The following DLST variants were observed in gnomAD, a reference collection of about 807,000 sequenced individuals.
DLST encodes the protein dihydrolipoamide S-succinyltransferase, also known as dihydrolipoyllysine-residue succinyltransferase component of 2-oxoglutarate dehydrogenase complex, mitochondrial.
Under a neutral mutation model 53.1 loss-of-function variants are expected in DLST, and 17 were observed. The ratio of observed to expected loss-of-function variants is 0.32; its 90% CI spans 0.22 to 0.48. The LOEUF (loss-of-function observed/expected upper bound fraction) is 0.48, where lower values mean the gene tolerates loss of function less well. Among genes scored for constraint, DLST ranks in the 20% least tolerant of loss-of-function variants. The pLI is 0.99. For synonymous variants in DLST, 206 were observed against 204.8 expected (o/e 1.01, Z -0.05); for missense variants, 512 against 583.9 (o/e 0.88, Z 1.27).
intron 8 of DLST, 99 bp downstream of exon 8, chr14:74,893,085 A>G: frequency 7.1e-7 from 1 of 1,407,482 alleles, no homozygotes; most frequent in Non-Finnish European, 9.5e-7. Context: ...TGAACAGGCC[A>G]GGTTGGCTGC....
chr14:74,890,428 T>A (rs753906696), intron 6 of DLST, among the ~76,000 whole-genome samples: 1 of 152,210 alleles, frequency 6.6e-6, no homozygotes, highest in Non-Finnish European at 1.5e-5. Flanking sequence ...TGCATTTAAC[T>A]TTAAATTGTT....
rs1156571454 is a variant in DLST at position 74,902,983 on chromosome 14, AATC to A, written c.*659_*661del. On this transcript the variant is annotated 3_prime_UTR_variant, in exon 15 of 15. Transcript: ENST00000334220. ...GAGGTCCCCTGAGGTCATGCATTGTAATCATCATAGAAGGAGAGCCCAGGCCTG... is the reference window on the plus strand; with the variant it reads ...GAGGTCCCCTGAGGTCATGCATTGTAATCATAGAAGGAGAGCCCAGGCCTG... The A allele has an allele frequency of 6.6e-6, 1 of 152,604 alleles. No homozygotes were observed. Among genetic ancestry groups the A allele is most frequent in the Non-Finnish European group, 1.5e-5 (1 of 68,068 alleles). 9.5% of individuals were successfully genotyped at this position (152,604 alleles called of 1,614,324 possible).
At chr14:74,886,353 A>G (rs571020966) in intron 3 of DLST, among the ~76,000 whole-genome samples, 10 of 152,132 alleles carry the variant, frequency 6.6e-5, no homozygotes, top group Non-Finnish European at 1.3e-4. Flanking sequence ...TTGAGACAGG[A>G]TCTTGCTCTG....
At chr14:74,889,442 C>T (rs1883825398) in intron 5 of DLST, 93 bp downstream of exon 5, 1 of 1,037,700 alleles carries the variant, frequency 9.6e-7, no homozygotes. Context: ...GATCTCGGCT[C>T]ACTGCAGCCT....
At chr14:74,892,552 G>C (rs1176109418) in intron 7 of DLST, among the ~76,000 whole-genome samples, 1 of 151,208 alleles carries the variant, frequency 6.6e-6, no homozygotes, top group Non-Finnish European at 1.5e-5. Flanking sequence ...TCTTGGGCTT[G>C]ATAGGTGCTT....
At chr14:74,891,498 A>T in intron 7 of DLST, 3 of 1,004,240 alleles carry the variant, frequency 3.0e-6, no homozygotes, top group Non-Finnish European at 3.6e-6. Flanking sequence ...AAAACTGAAA[A>T]TCCAAAATCT....
intron 1 of DLST, 135 bp downstream of exon 1, chr14:74,882,151 C>A: frequency 2.6e-6 from 2 of 776,708 alleles, no homozygotes; most frequent in Non-Finnish European, 3.5e-6. Flanking sequence ...GCCGCGCGGG[C>A]TGGGCGGCCC....
chr14:74,901,847 T>A (rs77009049), intron 14 of DLST, among the ~76,000 whole-genome samples: 2 of 146,266 alleles, frequency 1.4e-5, no homozygotes, highest in African/African-American at 4.9e-5. Context: ...TGGCTTAATT[T>A]TTTTTTTTTT....
intron 5 of DLST, chr14:74,889,673 C>T (rs767550832): frequency 1.2e-5 from 7 of 565,152 alleles, no homozygotes; most frequent in Non-Finnish European, 2.2e-5. Context: ...GCGTGAGCCA[C>T]TGCGCCTGGC....
At chr14:74,898,552 C>T in intron 11 of DLST, 53 bp downstream of exon 11, 1 of 1,584,318 alleles carries the variant, frequency 6.3e-7, no homozygotes, top group Non-Finnish European at 8.6e-7. Context: ...GGTGTATGAG[C>T]ACAGACCTGC....
At chr14:74,894,838 C>T (rs1373120561) in intron 10 of DLST, among the ~76,000 whole-genome samples, 3 of 152,086 alleles carry the variant, frequency 2.0e-5, no homozygotes, top group South Asian at 2.1e-4. Flanking sequence ...TGAGCCACCG[C>T]GCCTGGCCTG....
intron 10 of DLST, among the ~76,000 whole-genome samples, chr14:74,896,646 T>A (rs965042249): frequency 6.6e-6 from 1 of 152,232 alleles, no homozygotes; most frequent in Non-Finnish European, 1.5e-5. Context: ...AGCCAAAGAT[T>A]TCTCTCTTGT....
At chr14:74,886,936 A>G (rs997708703) in intron 3 of DLST, among the ~76,000 whole-genome samples, 1 of 151,734 alleles carries the variant, frequency 6.6e-6, no homozygotes, top group African/African-American at 2.4e-5. Context: ...ACGGGGTTTC[A>G]TCTTGTTGGC....
intron 13 of DLST, 93 bp downstream of exon 13, chr14:74,900,465 G>T: frequency 8.9e-7 from 1 of 1,121,664 alleles, no homozygotes; most frequent in South Asian, 1.3e-5. Flanking sequence ...CTCATGGAAA[G>T]TCAAGTGCAT....
chr14:74,899,250 C>T (rs1308529559), intron 11 of DLST, among the ~76,000 whole-genome samples: 1 of 152,132 alleles, frequency 6.6e-6, no homozygotes, highest in East Asian at 1.9e-4. Flanking sequence ...CAGTGGCCCC[C>T]TTCTGCTTGC....
chr14:74,884,439 G>A (rs1883635371), intron 2 of DLST, among the ~76,000 whole-genome samples: 1 of 152,130 alleles, frequency 6.6e-6, no homozygotes, highest in South Asian at 2.1e-4. Flanking sequence ...TTTGCATTTG[G>A]GCTCAGGGAT....
intron 7 of DLST, chr14:74,891,626 G>T (rs926491083): frequency 1.0e-6 from 1 of 985,774 alleles, no homozygotes; most frequent in South Asian, 4.7e-5. Flanking sequence ...CTCTAGGAAG[G>T]GTTGGTATTT....
chr14:74,890,330 C>T (rs1883862135), intron 6 of DLST, among the ~76,000 whole-genome samples: 1 of 152,024 alleles, frequency 6.6e-6, no homozygotes, highest in Non-Finnish European at 1.5e-5. Context: ...TGTTGCCAGG[C>T]TGGTCTCAAA....
chr14:74,881,930 C>T lies in DLST; in HGVS notation c.-24C>T, dbSNP rs770437870. On this transcript the variant is annotated 5_prime_UTR_variant, in exon 1 of 15. Coordinates refer to ENST00000334220, the MANE Select transcript of DLST (RefSeq NM_001933.5). ...TGTCCGGCCCTATATCCGGTGTCCGCCCGCCCTCGGCTCCTCCGCCGTGAT... is the reference window on the plus strand; with the variant it reads ...TGTCCGGCCCTATATCCGGTGTCCGTCCGCCCTCGGCTCCTCCGCCGTGAT... The T allele has an allele frequency of 5.9e-6, 9 of 1,527,276 alleles. No homozygotes were observed. The highest frequency in any genetic ancestry group is 7.9e-6 in the Non-Finnish European group (9 of 1,143,396). 94.6% of individuals were successfully genotyped at this position (1,527,276 alleles called of 1,614,324 possible).
Sources: gnomAD v4.1 joint callset for allele counts (sites outside exome capture counted in the v4.1 genomes callset) on GRCh38, gnomAD v4.1.1 for gene constraint, MANE v1.5 for transcripts, NCBI Gene and HGNC (gene_info 2026-07-23, HGNC 2026-07-21) for gene names.